EBF2: variants seen among roughly 807,000 people sequenced by gnomAD.
The protein encoded by EBF2 is EBF transcription factor 2.
A neutral mutation model predicts 72.8 loss-of-function variants in EBF2; 21 were observed. The ratio of observed to expected loss-of-function variants is 0.29; its 90% CI spans 0.20 to 0.42. The LOEUF (loss-of-function observed/expected upper bound fraction) is 0.42. EBF2 is among the 10% of genes least tolerant of loss of function. The pLI is 1.00. For synonymous variants in EBF2, 299 were observed against 274.2 expected (o/e 1.09, Z -0.89); for missense variants, 637 against 731.2 (o/e 0.87, Z 1.49).
chr8:25,910,917 A>C (rs920179700), intron 6 of EBF2, among the ~76,000 whole-genome samples: 2 of 152,210 alleles, frequency 1.3e-5, no homozygotes, highest in Admixed American at 6.5e-5. Context: ...AATGGCTTGC[A>C]CCAGAAATTA....
chr8:25,867,516 C>T (rs902724238), intron 10 of EBF2, among the ~76,000 whole-genome samples: 2 of 152,206 alleles, frequency 1.3e-5, no homozygotes, highest in Non-Finnish European at 2.9e-5. Flanking sequence ...ACCTCTTTGG[C>T]CATGTCAGAC....
intron 14 of EBF2, 123 bp downstream of exon 14, chr8:25,858,196 G>A (rs1258464030): frequency 1.6e-6 from 2 of 1,235,680 alleles, no homozygotes; most frequent in East Asian, 2.5e-5. Flanking sequence ...GCTTAATCAG[G>A]AAACTAGGCT....
At chr8:25,944,612 C>T (rs575420821) in intron 6 of EBF2, among the ~76,000 whole-genome samples, 186 of 147,106 alleles carry the variant, frequency 1.3e-3, no homozygotes, top group African/African-American at 4.0e-3. Flanking sequence ...AATTATATTG[C>T]ATATAATCTA....
intron 6 of EBF2, among the ~76,000 whole-genome samples, chr8:25,908,933 G>A (rs949942808): frequency 2.0e-5 from 3 of 152,050 alleles, no homozygotes; most frequent in African/African-American, 4.8e-5. Context: ...GGCAGGACCC[G>A]GCCCCAGAAT....
chr8:25,991,329 A>G (rs1204757327), intron 6 of EBF2, among the ~76,000 whole-genome samples: 3 of 152,206 alleles, frequency 2.0e-5, no homozygotes, highest in Admixed American at 6.5e-5. Flanking sequence ...TCCAATCACA[A>G]TAAGCCTCAC....
In EBF2 at chr8:25,858,449, C is replaced by A. The variant is rs774193191; in HGVS notation, c.1398G>T (p.Thr466=). The part of the protein sequence containing the change: ...ISPRGYSSSS[T]PQQSNYSTSS... ...AGGTACTGTAATTAGACTGTTGAGG[C>A]GTGGAGCTGGAAGAGTATCCCCGCG... is the stretch of plus-strand genomic sequence containing the variant. Residue 466 remains threonine, a synonymous_variant, in exon 14 of 16, where the codon ACG becomes ACT. Transcript: ENST00000520164. The A allele has an allele frequency of 6.2e-7, 1 of 1,613,846 alleles. No individual in the cohort carries two copies. The highest frequency in any genetic ancestry group is 1.1e-5 in the South Asian group (1 of 91,072).
intron 6 of EBF2, among the ~76,000 whole-genome samples, chr8:25,954,045 G>C (rs1803904039): frequency 6.6e-6 from 1 of 152,072 alleles, no homozygotes; most frequent in Non-Finnish European, 1.5e-5. Context: ...CCTTAGTCTT[G>C]GTTACACAGT....
intron 14 of EBF2, among the ~76,000 whole-genome samples, chr8:25,853,861 C>T (rs1461792191): frequency 6.6e-6 from 1 of 151,828 alleles, no homozygotes; most frequent in African/African-American, 2.4e-5. Context: ...GATTACATAA[C>T]ACATACTAAG....
chr8:25,995,373 CAT>C (rs1333315034), intron 6 of EBF2, among the ~76,000 whole-genome samples: 2 of 151,950 alleles, frequency 1.3e-5, no homozygotes, highest in Admixed American at 6.6e-5. Context: ...TTAAAGCAAA[CAT>C]ATTTATACAA....
intron 6 of EBF2, among the ~76,000 whole-genome samples, chr8:25,976,497 A>T (rs548700894): frequency 2.6e-5 from 4 of 152,350 alleles, no homozygotes; most frequent in Non-Finnish European, 5.9e-5. Context: ...GCCAAGACAC[A>T]GTATATTTCG....
At chr8:26,028,610 A>G (rs1805342946) in intron 6 of EBF2, among the ~76,000 whole-genome samples, 1 of 152,218 alleles carries the variant, frequency 6.6e-6, no homozygotes, top group Non-Finnish European at 1.5e-5. Flanking sequence ...AGCCCCCCAG[A>G]GGCTCACTGG....
At chr8:25,891,847 G>C (rs1473720690) in intron 7 of EBF2, among the ~76,000 whole-genome samples, 1 of 152,058 alleles carries the variant, frequency 6.6e-6, no homozygotes, top group East Asian at 1.9e-4. Context: ...CAAAGTGCTG[G>C]GATTACCGAA....
intron 6 of EBF2, among the ~76,000 whole-genome samples, chr8:25,963,851 A>AT (rs1361479968): frequency 6.6e-6 from 1 of 152,202 alleles, no homozygotes; most frequent in African/African-American, 2.4e-5. Flanking sequence ...AATTTAGGCA[A>AT]TTTTTTATAA....
At chr8:25,992,277 T>C (rs1642000039) in intron 6 of EBF2, among the ~76,000 whole-genome samples, 1 of 128,552 alleles carries the variant, frequency 7.8e-6, no homozygotes, top group African/African-American at 3.0e-5. Flanking sequence ...GAGGTTACAA[T>C]GAGCCACGAT....
In EBF2 at chr8:25,844,216, A is replaced by G. The variant is rs1801787262; in HGVS notation, c.*393T>C. The G allele has an allele frequency of 1.2e-5, 2 of 161,848 alleles. No homozygotes were observed. Among genetic ancestry groups the G allele is most frequent in the South Asian group, 3.6e-4 (2 of 5,546 alleles). The allele number at this position is 161,848 out of a possible 1,614,324, so 10.0% of individuals were successfully genotyped here. ...TGGTATCTGAAAGGCTTCATAGAAA[A>G]TAGAAACTTTCAACTTTTTTTTCCT... On this transcript the variant is annotated 3_prime_UTR_variant, in exon 16 of 16. Coordinates refer to ENST00000520164, the MANE Select transcript of EBF2 (RefSeq NM_022659.4).
intron 6 of EBF2, among the ~76,000 whole-genome samples, chr8:26,023,868 A>G (rs1360424877): frequency 2.0e-5 from 3 of 152,100 alleles, no homozygotes; most frequent in Non-Finnish European, 2.9e-5. Flanking sequence ...GGCAGGGAAA[A>G]AACTTTCTAG....
intron 7 of EBF2, 40 bp downstream of exon 7, chr8:25,908,434 G>A (rs796988875): frequency 7.0e-7 from 1 of 1,434,460 alleles, no homozygotes; most frequent in East Asian, 2.3e-5. Context: ...GAGAAAACAG[G>A]ATGACTTATT....
At chr8:25,950,506 G>T (rs573370348) in intron 6 of EBF2, among the ~76,000 whole-genome samples, 45 of 152,208 alleles carry the variant, frequency 3.0e-4, no homozygotes, top group African/African-American at 4.8e-5. Context: ...TACCCAGGCC[G>T]CCACTGGCCA....
rs1291789107 is a variant in EBF2 at position 25,951,256 on chromosome 8, C to G, written c.552-42701G>C. The stretch of plus-strand genomic sequence containing the variant: ...TACTCATAAATAGGTGTTGGATCGA[C>G]AGTGCCAGCAACTAGAATCTTCCCT... On this transcript the variant is annotated intron_variant, in intron 6 of 15. Coordinates refer to ENST00000520164, the MANE Select transcript of EBF2 (RefSeq NM_022659.4). 2.0e-5 allele frequency among the ~76,000 whole-genome samples: 3 copies of G among 152,270 alleles called. No individual in the cohort carries two copies. In the East Asian group the frequency reaches 5.8e-4, roughly 29 times the overall value.
Sources: allele counts gnomAD v4.1 joint callset (sites outside exome capture counted in the v4.1 genomes callset), GRCh38; gene constraint gnomAD v4.1.1; transcripts MANE v1.5; gene names NCBI Gene and HGNC (gene_info 2026-07-23, HGNC 2026-07-21).